CNTNAP5: variants seen among roughly 807,000 people sequenced by gnomAD.
CNTNAP5 encodes contactin-associated protein-like 5.
Under a neutral mutation model 150.2 loss-of-function variants are expected in CNTNAP5, and 72 were observed. The ratio of observed to expected loss-of-function variants is 0.48; its 90% CI spans 0.40 to 0.58. The LOEUF (loss-of-function observed/expected upper bound fraction) is 0.58. Among genes scored for constraint, CNTNAP5 ranks in the 20% least tolerant of loss-of-function variants. CNTNAP5 has a pLI of 0.00. For missense variants in CNTNAP5, 1,636 were observed against 1,626.2 expected, an observed-to-expected ratio of 1.01 and a Z score of -0.10; for synonymous variants, 672 against 619.8, an observed-to-expected ratio of 1.08 and a Z score of -1.25.
intron 5 of CNTNAP5, among the ~76,000 whole-genome samples, chr2:124,435,602 G>T: frequency 6.6e-6 from 1 of 152,210 alleles, no homozygotes; most frequent in South Asian, 2.1e-4. Context: ...GAGGAAAATA[G>T]TTATCTTTTT....
At chr2:124,649,201 T>A (rs1678267405) in intron 13 of CNTNAP5, among the ~76,000 whole-genome samples, 1 of 152,130 alleles carries the variant, frequency 6.6e-6, no homozygotes, top group Admixed American at 6.5e-5. Flanking sequence ...ATTGTGAAAA[T>A]CAATTATTGT....
intron 13 of CNTNAP5, among the ~76,000 whole-genome samples, chr2:124,728,334 C>T (rs554152524): frequency 3.9e-5 from 6 of 152,084 alleles, no homozygotes; most frequent in South Asian, 4.1e-4. Context: ...CTTCAATTTA[C>T]GGAAGTAAGA....
At chr2:124,482,833 T>C (rs1490713455) in intron 7 of CNTNAP5, among the ~76,000 whole-genome samples, 4 of 152,164 alleles carry the variant, frequency 2.6e-5, no homozygotes, top group African/African-American at 9.7e-5. Flanking sequence ...TCAAAGCGCT[T>C]CCCCAGAAAC....
intron 11 of CNTNAP5, among the ~76,000 whole-genome samples, chr2:124,564,415 G>A (rs1189546143): frequency 6.6e-6 from 1 of 152,130 alleles, no homozygotes; most frequent in African/African-American, 2.4e-5. Flanking sequence ...GAGTCCAGTG[G>A]CACGATCTTG....
intron 3 of CNTNAP5, among the ~76,000 whole-genome samples, chr2:124,298,660 A>G (rs186796062): frequency 6.6e-6 from 1 of 152,184 alleles, no homozygotes; most frequent in African/African-American, 2.4e-5. Flanking sequence ...TCAGACCCCC[A>G]ATAAACTTGT....
chr2:124,053,551 T>C (rs901068201), intron 1 of CNTNAP5, among the ~76,000 whole-genome samples: 1 of 152,196 alleles, frequency 6.6e-6, no homozygotes, highest in African/African-American at 2.4e-5. Context: ...CAATGAACAT[T>C]TGACCTTTCT....
chr2:124,152,319 A>G (rs1684425394), intron 1 of CNTNAP5, among the ~76,000 whole-genome samples: 1 of 152,222 alleles, frequency 6.6e-6, no homozygotes, highest in Non-Finnish European at 1.5e-5. Flanking sequence ...TTCTAAGTGC[A>G]TTATATCCAC....
intron 3 of CNTNAP5, among the ~76,000 whole-genome samples, chr2:124,339,812 T>A (rs2104690391): frequency 6.6e-6 from 1 of 152,188 alleles, no homozygotes; most frequent in African/African-American, 2.4e-5. Flanking sequence ...GAATGGGTGA[T>A]GCCGATTGGT....
chr2:124,503,049 T>C (rs933565480), intron 7 of CNTNAP5, among the ~76,000 whole-genome samples: 1 of 152,178 alleles, frequency 6.6e-6, no homozygotes, highest in African/African-American at 2.4e-5. Flanking sequence ...GGATGATATA[T>C]ACTGTGGGTG....
chr2:124,693,423 C>A (rs987246444), intron 13 of CNTNAP5, among the ~76,000 whole-genome samples: 3 of 151,966 alleles, frequency 2.0e-5, no homozygotes, highest in African/African-American at 7.2e-5. Context: ...TCTGAAATAA[C>A]AAAGATGAAT....
intron 6 of CNTNAP5, among the ~76,000 whole-genome samples, chr2:124,461,342 T>C (rs909018279): frequency 5.3e-5 from 8 of 151,884 alleles, no homozygotes; most frequent in African/African-American, 1.5e-4. Flanking sequence ...GAATACTATG[T>C]AGCCATAAAA....
intron 1 of CNTNAP5, among the ~76,000 whole-genome samples, chr2:124,220,433 C>T (rs1387455234): frequency 6.6e-6 from 1 of 152,074 alleles, no homozygotes. Flanking sequence ...TTTCAACAAA[C>T]CTTTATCAAA....
At chr2:124,318,903 A>G (rs1373495096) in intron 3 of CNTNAP5, among the ~76,000 whole-genome samples, 1 of 152,110 alleles carries the variant, frequency 6.6e-6, no homozygotes, top group Admixed American at 6.5e-5. Context: ...TGTTGTCATC[A>G]AAGCTCAACT....
At chr2:124,480,919 T>C (rs1693749192) in intron 7 of CNTNAP5, among the ~76,000 whole-genome samples, 1 of 152,152 alleles carries the variant, frequency 6.6e-6, no homozygotes, top group Non-Finnish European at 1.5e-5. Flanking sequence ...AATTAAATAG[T>C]TTCAAGGTCA....
At chr2:124,098,335 G>T (rs140192521) in intron 1 of CNTNAP5, among the ~76,000 whole-genome samples, 3 of 152,108 alleles carry the variant, frequency 2.0e-5, no homozygotes, top group Non-Finnish European at 4.4e-5. Flanking sequence ...GAAGGAAGAG[G>T]GGGGAATTGG....
At chr2:124,266,963 A>G (rs1687622107) in intron 3 of CNTNAP5, among the ~76,000 whole-genome samples, 1 of 131,068 alleles carries the variant, frequency 7.6e-6, no homozygotes, top group South Asian at 3.3e-4. Context: ...GGAAAGATAG[A>G]TGAGAGATTT....
At chr2:124,878,840 G>A (rs879554402) in intron 21 of CNTNAP5, among the ~76,000 whole-genome samples, 8 of 146,834 alleles carry the variant, frequency 5.4e-5, no homozygotes, top group East Asian at 1.9e-4. Flanking sequence ...GTGCCACCTC[G>A]CCCGGCCAAT....
chr2:124,482,168 C>T (rs574033975), intron 7 of CNTNAP5, among the ~76,000 whole-genome samples: 1 of 152,276 alleles, frequency 6.6e-6, no homozygotes, highest in Admixed American at 6.5e-5. Context: ...AATGACCACT[C>T]CCCCATTCGA....
intron 1 of CNTNAP5, among the ~76,000 whole-genome samples, chr2:124,068,857 C>A (rs1011190228): frequency 1.3e-5 from 2 of 151,928 alleles, no homozygotes; most frequent in Admixed American, 6.6e-5. Context: ...ATACCGTAGG[C>A]CAGAAAGGAA....
Sources: allele counts gnomAD v4.1 joint callset (sites outside exome capture counted in the v4.1 genomes callset), GRCh38; gene constraint gnomAD v4.1.1; transcripts MANE v1.5; gene names NCBI Gene and HGNC (gene_info 2026-07-23, HGNC 2026-07-21).